The following GJA8 variants were observed in gnomAD, a reference collection of about 807,000 sequenced individuals.
GJA8 encodes gap junction alpha-8 protein.
In GJA8, 13 loss-of-function variants were observed where a neutral mutation model predicts 15.3. The ratio of observed to expected loss-of-function variants is 0.85; its 90% CI spans 0.55 to 1.35. The LOEUF is 1.35. Ranked by LOEUF, GJA8 falls within the 40% of genes most tolerant of loss-of-function variation. The pLI is 0.00. For missense variants in GJA8, 607 were observed against 553.3 expected (o/e 1.10, Z -0.97); for synonymous variants, 304 against 238.7 (o/e 1.27, Z -2.52).
At chr1:147,910,722 C>T (rs1652082990), downstream of GJA8, among the ~76,000 whole-genome samples, 1 of 152,178 alleles carries the variant, frequency 6.6e-6, no homozygotes, top group South Asian at 2.1e-4. Flanking sequence ...GACATCTGCT[C>T]ACAGGCATGT....
Position 147,907,961 on chromosome 1 carries a change from C to T in GJA8, c.6C>T (p.Gly2=), listed in dbSNP as rs148667223. The change falls in exon 2 of 2, where the codon GGC becomes GGT. Residue 2 remains glycine, a synonymous_variant. Coordinates refer to ENST00000369235, the MANE Select transcript of GJA8 (RefSeq NM_005267.5). The part of the protein sequence containing the change: M[G]DWSFLGNILE... The stretch of plus-strand genomic sequence containing the variant: ...TTTCTTCAGGTGGGTGAGAAATGGG[C>T]GACTGGAGTTTCCTGGGGAACATCT... 6 of 1,612,758 alleles carry T rather than the reference C, an allele frequency of 3.7e-6. No homozygotes were observed. In the African/African-American group the frequency reaches 6.7e-5, roughly 18 times the overall value.
At position 147,908,450 on chromosome 1, in the gene GJA8, C is replaced by T. The variant is rs781836554; in HGVS notation, c.495C>T (p.Phe165=). The T allele has an allele frequency of 6.2e-7, 1 of 1,614,218 alleles. No individual in the cohort carries two copies. The change falls in exon 2 of 2, where the codon TTC becomes TTT. Residue 165 remains phenylalanine (F), a synonymous_variant. Transcript: ENST00000369235. The part of the protein sequence containing the change: ...IIFKTLFEVG[F]IVGHYFLYGF... The stretch of plus-strand genomic sequence containing the variant: ...TCAAGACCCTCTTTGAAGTGGGCTT[C>T]ATCGTGGGCCACTACTTCCTGTACG...
At chr1:147,914,183 T>C (rs587753473), downstream of GJA8, among the ~76,000 whole-genome samples, 2 of 152,316 alleles carry the variant, frequency 1.3e-5, no homozygotes, top group African/African-American at 2.4e-5. Context: ...ACGCCACTGC[T>C]TTCTGGAAGT....
At position 147,908,939 on chromosome 1, in the gene GJA8, A is replaced by G. The variant is rs782560618; in HGVS notation, c.984A>G (p.Ala328=). ...TGCCTTCCTACGCTCAGGTGGGGGC[A>G]CAAGAAGTGGAGGGCGAGGGGCCGC... ...ETLPSYAQVG[A]QEVEGEGPPA... Residue 328 remains alanine, a synonymous_variant, in exon 2 of 2, where the codon GCA becomes GCG. Coordinates refer to ENST00000369235, the MANE Select transcript of GJA8 (RefSeq NM_005267.5). The G allele has an allele frequency of 3.7e-5, 60 of 1,609,640 alleles. 1 individual carries two copies. Among genetic ancestry groups the G allele is most frequent in the Non-Finnish European group, 4.8e-5 (56 of 1,177,014 alleles).
At chr1:147,910,706 C>T (rs1652082582), downstream of GJA8, among the ~76,000 whole-genome samples, 1 of 152,150 alleles carries the variant, frequency 6.6e-6, no homozygotes, top group Non-Finnish European at 1.5e-5. Context: ...CAGTTTCGAG[C>T]TGGAGGACAT....
chr1:147,907,912 G>C (rs781982414), intron 1 of GJA8, 33 bp from the exon 2 acceptor site: 1 of 1,481,732 alleles, frequency 6.7e-7, no homozygotes, highest in Admixed American at 1.7e-5. Context: ...CATTGCGGCC[G>C]CTCAGCTCTT....
At position 147,908,077 on chromosome 1, in the gene GJA8, C is replaced by T. The variant is rs782542091; in HGVS notation, c.122C>T (p.Ala41Val). Residue 41 changes from alanine (A) to valine (V), a missense_variant, in exon 2 of 2, where the codon GCA becomes GTA. Physicochemically the swap from Ala to Val is moderately conservative, Grantham distance 64. Transcript: ENST00000369235. ...IFRILILGTA[A>V]EFVWGDEQSD... is the part of the protein sequence containing the mutation. Reference sequence around the variant, plus strand: ...CGGATCCTCATCCTTGGCACGGCCGCAGAGTTCGTGTGGGGGGATGAGCAA... The same window carrying T: ...CGGATCCTCATCCTTGGCACGGCCGTAGAGTTCGTGTGGGGGGATGAGCAA... 9 of 1,614,058 alleles carry T rather than the reference C, an allele frequency of 5.6e-6. 1 individual carries two copies. In the Admixed American group the frequency reaches 1.3e-4, roughly 24 times the overall value.
downstream of GJA8, among the ~76,000 whole-genome samples, chr1:147,913,431 C>A (rs913238569): frequency 5.3e-5 from 8 of 152,142 alleles, no homozygotes; most frequent in Non-Finnish European, 2.9e-5. Context: ...AAAAGAATGT[C>A]TTTAATCACG....
At chr1:147,905,794 C>T (rs1174850592) in intron 1 of GJA8, among the ~76,000 whole-genome samples, 1 of 152,210 alleles carries the variant, frequency 6.6e-6, no homozygotes, top group African/African-American at 2.4e-5. Context: ...GGTTCCGATT[C>T]CGAGCTGCTG....
intron 1 of GJA8, among the ~76,000 whole-genome samples, chr1:147,906,649 C>T (rs1204891184): frequency 1.3e-5 from 2 of 152,096 alleles, no homozygotes; most frequent in Non-Finnish European, 2.9e-5. Context: ...AATATACGGC[C>T]CTCAATGTGT....
At position 147,908,249 on chromosome 1, in the gene GJA8, C is replaced by G. The variant is rs782119026; in HGVS notation, c.294C>G (p.His98Gln). ...PSLMYVGHAV[H>Q]YVRMEEKRKS... Reference sequence around the variant, plus strand: ...TGATGTACGTGGGGCACGCGGTGCACTACGTCCGCATGGAGGAGAAGCGCA... The same window carrying G: ...TGATGTACGTGGGGCACGCGGTGCAGTACGTCCGCATGGAGGAGAAGCGCA... The change falls in exon 2 of 2, where the codon CAC (histidine) becomes CAG (glutamine). Residue 98 changes from histidine (H) to glutamine (Q), a missense_variant. His to Gln is a conservative substitution (Grantham distance 24). Transcript: ENST00000369235. 1.2e-6 allele frequency: 2 copies of G among 1,614,218 alleles called. No individual in the cohort carries two copies. The highest frequency in any genetic ancestry group is 1.7e-6 in the Non-Finnish European group (2 of 1,180,042).
At chr1:147,904,695 G>A (rs193221017) in intron 1 of GJA8, among the ~76,000 whole-genome samples, 1 of 152,262 alleles carries the variant, frequency 6.6e-6, no homozygotes, top group East Asian at 1.9e-4. Context: ...AATTTTCACT[G>A]TTAGAAGTCA....
rs1651934665 is a variant in GJA8 at position 147,908,715 on chromosome 1, T to G, written c.760T>G (p.Ser254Ala). 1 of 1,613,960 alleles carries G rather than the reference T, an allele frequency of 6.2e-7. No individual in the cohort carries two copies. The highest frequency in any genetic ancestry group is 1.3e-5 in the African/African-American group (1 of 74,884). ...LGEIPEKSLH[S>A]IAVSSIQKAK... ...GGAGATTCCTGAGAAATCCCTCCAC[T>G]CCATTGCTGTCTCCTCCATCCAGAA... is the stretch of plus-strand genomic sequence containing the variant. The change falls in exon 2 of 2, where the codon TCC becomes GCC. Residue 254 changes from serine (S) to alanine (A), a missense_variant. Ser to Ala is a moderately conservative substitution (Grantham distance 99). Coordinates refer to ENST00000369235, the MANE Select transcript of GJA8 (RefSeq NM_005267.5).
Position 147,908,304 on chromosome 1 carries a change from C to T in GJA8, c.349C>T (p.Gln117Ter). ...KSREAEELGQ[Q>*]AGTNGGPDQG... ...CCGCGAGGCGGAGGAGCTGGGCCAG[C>T]AGGCGGGGACTAACGGCGGCCCGGA... Residue 117 changes from glutamine to a stop codon, truncating the protein, a stop_gained, in exon 2 of 2, where the codon CAG (glutamine) becomes TAG (stop). Transcript: ENST00000369235. LOFTEE classifies it high-confidence loss of function. The T allele has an allele frequency of 6.2e-7, 1 of 1,614,172 alleles. No homozygotes were observed. The highest frequency in any genetic ancestry group is 8.5e-7 in the Non-Finnish European group (1 of 1,180,026).
rs782812499 is a variant in GJA8, at chr1:147,908,895, C to G, written c.940C>G (p.Arg314Gly). Residue 314 changes from arginine to glycine, a missense_variant, in exon 2 of 2, where the codon CGG becomes GGG. Physicochemically the swap from Arg to Gly is moderately radical, Grantham distance 125. Coordinates refer to ENST00000369235, the MANE Select transcript of GJA8 (RefSeq NM_005267.5). ...ISTGPLGDLS[R>G]GYQETLPSYA... Reference sequence around the variant, plus strand: ...CACAGGACCCCTGGGGGACTTGTCCCGGGGCTACCAAGAGACACTGCCTTC... The same window carrying G: ...CACAGGACCCCTGGGGGACTTGTCCGGGGGCTACCAAGAGACACTGCCTTC... 1.2e-6 allele frequency: 2 copies of G among 1,613,874 alleles called. No homozygotes were observed. The highest frequency in any genetic ancestry group is 1.1e-5 in the South Asian group (1 of 91,074).
At position 147,908,524 on chromosome 1, in the gene GJA8, A is replaced by G. The variant is rs925014631; in HGVS notation, c.569A>G (p.Asn190Ser). 1.1e-5 allele frequency: 18 copies of G among 1,613,942 alleles called. No homozygotes were observed. The highest frequency in any genetic ancestry group is 6.7e-5 in the African/African-American group (5 of 74,888). Residue 190 changes from asparagine (N) to serine (S), a missense_variant, in exon 2 of 2, where the codon AAT becomes AGT. Transcript: ENST00000369235. ...CGCTGCAGCCGGTGGCCCTGCCCCA[A>G]TGTGGTGGACTGCTTCGTGTCCCGG... ...LYRCSRWPCP[N>S]VVDCFVSRPT... is the part of the protein sequence containing the mutation.
chr1:147,905,757 G>C (rs918277113), intron 1 of GJA8, among the ~76,000 whole-genome samples: 4 of 152,214 alleles, frequency 2.6e-5, no homozygotes, highest in Non-Finnish European at 4.4e-5. Flanking sequence ...GTTAAAAATA[G>C]ATACATGTGG....
chr1:147,905,045 T>C (rs1651737241), intron 1 of GJA8, among the ~76,000 whole-genome samples: 2 of 152,200 alleles, frequency 1.3e-5, no homozygotes, highest in African/African-American at 4.8e-5. Flanking sequence ...ATAAGCAGTT[T>C]TGTGTCTCAG....
intron 1 of GJA8, among the ~76,000 whole-genome samples, chr1:147,904,398 G>T (rs782331537): frequency 6.6e-6 from 1 of 152,098 alleles, no homozygotes; most frequent in Non-Finnish European, 1.5e-5. Flanking sequence ...ACGTGAAAAT[G>T]TATCACTTAG....
Sources: allele counts gnomAD v4.1 joint callset (sites outside exome capture counted in the v4.1 genomes callset), GRCh38; gene constraint gnomAD v4.1.1; transcripts MANE v1.5; gene names NCBI Gene and HGNC (gene_info 2026-07-23, HGNC 2026-07-21).